PGM3: variants seen among roughly 807,000 people sequenced by gnomAD.
PGM3 encodes phosphoglucomutase 3.
PGM3 carries 40 observed loss-of-function variants against 66.2 expected under a neutral mutation model. The ratio of observed to expected loss-of-function variants is 0.60; its 90% CI spans 0.47 to 0.79. The LOEUF (loss-of-function observed/expected upper bound fraction) is 0.79, where lower values mean the gene tolerates loss of function less well. PGM3 is among the 30% of genes least tolerant of loss of function. The probability of loss-of-function intolerance (pLI) is 0.00; values close to 1 mark genes in which losing one functional copy is unlikely to be tolerated. For missense variants in PGM3, 537 were observed against 643.4 expected (o/e 0.83, Z 1.79); for synonymous variants, 191 against 224.2 (o/e 0.85, Z 1.32).
At chr6:83,182,733 C>A in intron 5 of PGM3, 112 bp downstream of exon 5, 1 of 968,772 alleles carries the variant, frequency 1.0e-6, no homozygotes, top group Admixed American at 2.1e-5. Context: ...AGGAGATATG[C>A]AGCATCTTTG....
chr6:83,170,438 C>CT lies in PGM3; in HGVS notation c.1405dup (p.Arg469LysfsTer15). The CT allele has an allele frequency of 6.2e-7, 1 of 1,614,134 alleles. No individual in the cohort carries two copies. Among genetic ancestry groups the CT allele is most frequent in the Non-Finnish European group, 8.5e-7 (1 of 1,179,988 alleles). ...TAATCCTGGGGGTGTAACTGCTTGT[C>CT]TTTCAGCATCGGTAGTGCTAATAAC... is the stretch of plus-strand genomic sequence containing the variant. On this transcript the variant is annotated frameshift_variant, in exon 12 of 13. Transcript: ENST00000513973. LOFTEE classifies it high-confidence loss of function.
chr6:83,193,540 G>A (rs1009830317), upstream of PGM3: 28 of 152,302 alleles, frequency 1.8e-4, no homozygotes, highest in African/African-American at 6.3e-4. Flanking sequence ...CCAAATCCGG[G>A]CCTCTGGGGG....
intron 6 of PGM3, 46 bp from the exon 7 acceptor site, chr6:83,180,013 T>C (rs766715326): frequency 3.5e-6 from 5 of 1,429,406 alleles, no homozygotes; most frequent in East Asian, 2.3e-5. Context: ...TAAGAATTTA[T>C]TATAAAGAGT....
chr6:83,148,909 A>ATCCTTTT, the PGM3 span: 2 of 1,174,644 alleles, frequency 1.7e-6, no homozygotes, highest in Non-Finnish European at 2.3e-6. Context: ...GGATAATGTT[A>ATCCTTTT]ATTGTCCTAG....
At chr6:83,172,812 A>AAAT (rs1787367620) in intron 10 of PGM3, among the ~76,000 whole-genome samples, 2 of 152,172 alleles carry the variant, frequency 1.3e-5, no homozygotes, top group South Asian at 2.1e-4. Context: ...TTTACTATTA[A>AAAT]AATACTTGTG....
At chr6:83,191,958 C>CAAAAAAAAAAAAAAAAAAA (rs1219337174) in intron 1 of PGM3, among the ~76,000 whole-genome samples, 2 of 39,364 alleles carry the variant, frequency 5.1e-5, no homozygotes, top group Non-Finnish European at 4.6e-5. Flanking sequence ...GACTCGGTCT[C>CAAAAAAAAAAAAAAAAAAA]AAAAAAAAAA....
intron 6 of PGM3, among the ~76,000 whole-genome samples, chr6:83,181,033 C>A (rs576772038): frequency 4.6e-5 from 7 of 152,282 alleles, no homozygotes; most frequent in Non-Finnish European, 1.0e-4. Context: ...CACAGACAAA[C>A]ACACAAATGC....
At chr6:83,163,269 C>G (rs186462470), downstream of PGM3, among the ~76,000 whole-genome samples, 1 of 151,916 alleles carries the variant, frequency 6.6e-6, no homozygotes, top group Non-Finnish European at 1.5e-5. Context: ...GAACACTCTT[C>G]GTGTCAAAAA....
At chr6:83,159,770 C>T (rs369585211), downstream of PGM3, 499 of 1,613,800 alleles carry the variant, frequency 3.1e-4, no homozygotes, top group Non-Finnish European at 4.1e-4. Context: ...GGTCCAGCTG[C>T]TGACAGCACT....
At chr6:83,154,736 C>A in the PGM3 span, among the ~76,000 whole-genome samples, 2 of 152,022 alleles carry the variant, frequency 1.3e-5, 1 homozygote, top group South Asian at 4.1e-4. Context: ...TCACCCCCCA[C>A]CCCCTCTTTC....
chr6:83,174,319 C>CATCTTCT lies in PGM3; in HGVS notation c.1242+48_1242+54dup. 6 of 926,368 alleles carry CATCTTCT rather than the reference C, an allele frequency of 6.5e-6. No homozygotes were observed. In the South Asian group the frequency reaches 8.5e-5, roughly 13 times the overall value. 57.4% of individuals were successfully genotyped at this position (926,368 alleles called of 1,614,324 possible). ...GTATGCACCCACACTCTGTTCTGTC[C>CATCTTCT]ATCTTCTGAATAATGTAAAGGTAAC... On this transcript the variant is annotated intron_variant, in intron 10 of 12. Coordinates refer to ENST00000513973, the MANE Select transcript of PGM3 (RefSeq NM_015599.3).
At chr6:83,148,855 TA>T in the PGM3 span, 1 of 1,522,834 alleles carries the variant, frequency 6.6e-7, no homozygotes. Flanking sequence ...GGCAGTTTCT[TA>T]TACTTGGGTA....
At chr6:83,155,157 A>G in the PGM3 span, among the ~76,000 whole-genome samples, 23 of 152,186 alleles carry the variant, frequency 1.5e-4, no homozygotes, top group Non-Finnish European at 2.6e-4. Flanking sequence ...TTCCAGGAAT[A>G]GGGAACAAGA....
intron 11 of PGM3, chr6:83,171,210 T>G (rs1042625009): frequency 2.6e-5 from 4 of 152,132 alleles, no homozygotes; most frequent in Admixed American, 6.6e-5. Context: ...GGAGGGGGTA[T>G]GAAGAATGTA....
intron 8 of PGM3, among the ~76,000 whole-genome samples, chr6:83,177,396 C>T (rs902567750): frequency 3.3e-5 from 5 of 151,340 alleles, no homozygotes; most frequent in Admixed American, 2.0e-4. Flanking sequence ...TGGTGGACAC[C>T]GGGGAAATAA....
At chr6:83,163,505 A>G (rs900522721), downstream of PGM3, among the ~76,000 whole-genome samples, 26 of 152,332 alleles carry the variant, frequency 1.7e-4, no homozygotes, top group South Asian at 8.3e-4. Flanking sequence ...GGAAATAATC[A>G]TTAGCATTCA....
the PGM3 span, among the ~76,000 whole-genome samples, chr6:83,151,276 T>C: frequency 6.6e-6 from 1 of 152,188 alleles, no homozygotes; most frequent in African/African-American, 2.4e-5. Context: ...TGCCTTAGCC[T>C]ACCAAGTAGC....
downstream of PGM3, among the ~76,000 whole-genome samples, chr6:83,163,902 CT>C (rs988898312): frequency 5.3e-5 from 8 of 151,822 alleles, no homozygotes; most frequent in African/African-American, 1.9e-4. Context: ...AAAATATTGT[CT>C]TATATACTTT....
chr6:83,169,159 A>G lies in PGM3; in HGVS notation c.*75T>C. The stretch of plus-strand genomic sequence containing the variant: ...TAAACATTATGATTATAAATCTCTT[A>G]GTACTGCCATTATTATTGACAGTTT... On this transcript the variant is annotated 3_prime_UTR_variant, in exon 13 of 13. Coordinates refer to ENST00000513973, the MANE Select transcript of PGM3 (RefSeq NM_015599.3). The G allele has an allele frequency of 3.8e-6, 6 of 1,580,390 alleles. No homozygotes were observed. The highest frequency in any genetic ancestry group is 1.1e-5 in the South Asian group (1 of 87,632).
Sources: gnomAD v4.1 joint callset for allele counts (sites outside exome capture counted in the v4.1 genomes callset) on GRCh38, gnomAD v4.1.1 for gene constraint, MANE v1.5 for transcripts, NCBI Gene and HGNC (gene_info 2026-07-23, HGNC 2026-07-21) for gene names.